The following CFAP20DC variants were observed in gnomAD, a reference collection of about 807,000 sequenced individuals.
CFAP20DC encodes the protein protein CFAP20DC.
Under a neutral mutation model 101.7 loss-of-function variants are expected in CFAP20DC, and 84 were observed. The ratio of observed to expected loss-of-function variants is 0.83; its 90% CI spans 0.69 to 0.99. The LOEUF is 0.99. Ranked by LOEUF, CFAP20DC falls within the 50% of genes least tolerant of loss-of-function variation. The pLI is 0.00. For synonymous variants in CFAP20DC, 359 were observed against 351.2 expected, an observed-to-expected ratio of 1.02 and a Z score of -0.25; for missense variants, 1,007 against 970.3, an observed-to-expected ratio of 1.04 and a Z score of -0.50.
At chr3:58,950,989 G>C (rs1381821619) in intron 4 of CFAP20DC, among the ~76,000 whole-genome samples, 1 of 152,032 alleles carries the variant, frequency 6.6e-6, no homozygotes, top group Non-Finnish European at 1.5e-5. Flanking sequence ...CAAAATGGGA[G>C]AAAATTTTTG....
At chr3:58,818,810 C>T (rs1296024182) in intron 14 of CFAP20DC, among the ~76,000 whole-genome samples, 1 of 126,156 alleles carries the variant, frequency 7.9e-6, no homozygotes, top group African/African-American at 3.1e-5. Flanking sequence ...ATCTACAGAA[C>T]TCTCCACCCC....
chr3:58,937,581 G>T, intron 5 of CFAP20DC, 67 bp downstream of exon 5: 1 of 968,536 alleles, frequency 1.0e-6, no homozygotes, highest in Non-Finnish European at 1.7e-6. Flanking sequence ...CACATATGGA[G>T]TCAGCCCATA....
At chr3:58,997,171 A>T (rs1238782425) in intron 4 of CFAP20DC, among the ~76,000 whole-genome samples, 3 of 152,192 alleles carry the variant, frequency 2.0e-5, no homozygotes, top group African/African-American at 7.2e-5. Context: ...TTTCAGATGT[A>T]TTATTTTGTT....
downstream of CFAP20DC, among the ~76,000 whole-genome samples, chr3:58,737,794 A>T (rs1162450168): frequency 6.6e-6 from 1 of 152,224 alleles, no homozygotes; most frequent in East Asian, 1.9e-4. This position sits in a 1 kb window ranked among gnomAD's most constrained non-coding sequence, Gnocchi z 4.1. Context: ...GGAGCAAAAG[A>T]AACGGAAATG....
chr3:58,911,567 T>G (rs1260641919), intron 6 of CFAP20DC, among the ~76,000 whole-genome samples: 1 of 152,158 alleles, frequency 6.6e-6, no homozygotes, highest in East Asian at 1.9e-4. Flanking sequence ...TGTACACTTA[T>G]GATTTCTGCA....
chr3:58,842,591 G>T (rs1190809665), intron 13 of CFAP20DC, among the ~76,000 whole-genome samples: 1 of 151,948 alleles, frequency 6.6e-6, no homozygotes, highest in East Asian at 1.9e-4. Context: ...TGGGGGAGGG[G>T]CGCCCGCCAT....
chr3:58,835,447 T>C (rs973737775), intron 13 of CFAP20DC, among the ~76,000 whole-genome samples: 6 of 152,300 alleles, frequency 3.9e-5, no homozygotes, highest in African/African-American at 1.4e-4. Flanking sequence ...TGAAGGAATA[T>C]GTGGCTGCGA....
intron 5 of CFAP20DC, among the ~76,000 whole-genome samples, chr3:58,919,715 T>C (rs2085133242): frequency 6.6e-6 from 1 of 152,234 alleles, no homozygotes; most frequent in Non-Finnish European, 1.5e-5. Flanking sequence ...AACATCTATA[T>C]ACATATACAT....
chr3:58,752,047 C>A (rs1393169882), intron 16 of CFAP20DC, among the ~76,000 whole-genome samples: 1 of 152,150 alleles, frequency 6.6e-6, no homozygotes, highest in Non-Finnish European at 1.5e-5. Context: ...CATAATTTTT[C>A]TTTGACACTT....
chr3:59,042,713 C>T (rs1326836596), intron 3 of CFAP20DC, among the ~76,000 whole-genome samples: 1 of 152,056 alleles, frequency 6.6e-6, no homozygotes, highest in African/African-American at 2.4e-5. Flanking sequence ...ACTCTGGCTG[C>T]TAATTTGACA....
intron 12 of CFAP20DC, chr3:58,862,419 C>G: frequency 1.0e-6 from 1 of 985,194 alleles, no homozygotes; most frequent in East Asian, 1.1e-4. Flanking sequence ...ATGCTAGCAT[C>G]AAATGCACTA....
intron 12 of CFAP20DC, chr3:58,862,723 C>T: frequency 2.1e-6 from 2 of 965,452 alleles, no homozygotes; most frequent in Non-Finnish European, 1.2e-6. Context: ...CTAGTTATTT[C>T]TATAATTTCT....
intron 13 of CFAP20DC, among the ~76,000 whole-genome samples, chr3:58,839,907 T>A (rs1248567615): frequency 6.6e-6 from 1 of 152,138 alleles, no homozygotes; most frequent in Non-Finnish European, 1.5e-5. Flanking sequence ...GAACCATAAT[T>A]CCATTTTACT....
chr3:58,909,745 C>A (rs1366063272), intron 6 of CFAP20DC, among the ~76,000 whole-genome samples: 1 of 151,904 alleles, frequency 6.6e-6, no homozygotes, highest in African/African-American at 2.4e-5. Flanking sequence ...ATTTTAAGTT[C>A]TGGGGTACAT....
rs1299375000 is a variant in CFAP20DC at position 58,732,052 on chromosome 3, C to T, written c.198-14424G>A. The stretch of plus-strand genomic sequence containing the variant: ...GAAAATATGCACATACAGTTCAGTG[C>T]GATGCTTGGGAGTGCAGTGAGAGCT... On this transcript the variant is annotated intron_variant, in intron 3 of 3. Transcript: ENST00000486145. This position sits in a 1 kb window ranked among gnomAD's most constrained non-coding sequence, Gnocchi z 5.4. Among the ~76,000 whole-genome samples the T allele has an allele frequency of 2.0e-5, 3 of 152,110 alleles. No homozygotes were observed. Among genetic ancestry groups the T allele is most frequent in the Admixed American group, 6.5e-5 (1 of 15,280 alleles).
intron 6 of CFAP20DC, among the ~76,000 whole-genome samples, chr3:58,890,753 CG>C (rs1228532065): frequency 2.0e-5 from 3 of 147,384 alleles, no homozygotes; most frequent in African/African-American, 7.6e-5. Context: ...GACGGGGTTG[CG>C]GCCGGGCAGA....
intron 14 of CFAP20DC, among the ~76,000 whole-genome samples, chr3:58,820,080 C>A (rs1207981412): frequency 6.6e-6 from 1 of 151,560 alleles, no homozygotes; most frequent in East Asian, 1.9e-4. Flanking sequence ...AAGCCTTTGA[C>A]AAAATTCAAC....
intron 4 of CFAP20DC, among the ~76,000 whole-genome samples, chr3:58,953,227 A>G (rs2090313947): frequency 6.6e-6 from 1 of 152,198 alleles, no homozygotes; most frequent in South Asian, 2.1e-4. Context: ...AAGCCAAAAG[A>G]AAGATTCACT....
chr3:58,758,860 C>T (rs202172202), intron 15 of CFAP20DC, among the ~76,000 whole-genome samples: 12,341 of 151,738 alleles, frequency 0.081, 837 homozygotes, highest in East Asian at 0.34. Context: ...CTACAAAGGA[C>T]AAGAACTCAT....
Sources: allele counts gnomAD v4.1 joint callset (sites outside exome capture counted in the v4.1 genomes callset), GRCh38; gene constraint gnomAD v4.1.1; non-coding constraint Gnocchi (gnomAD v3.1); transcripts MANE v1.5; gene names NCBI Gene and HGNC (gene_info 2026-07-23, HGNC 2026-07-21).